AHCYL2: variants seen among roughly 807,000 people sequenced by gnomAD.
AHCYL2 encodes S-adenosylhomocysteine hydrolase-like protein 2.
AHCYL2 carries 28 observed loss-of-function variants against 81.4 expected under a neutral mutation model. The ratio of observed to expected loss-of-function variants is 0.34; its 90% confidence interval spans 0.25 to 0.47. AHCYL2 has a LOEUF of 0.47. Ranked by LOEUF, AHCYL2 falls within the 20% of genes least tolerant of loss-of-function variation. The probability of loss-of-function intolerance (pLI) is 1.00; values close to 1 mark genes in which losing one functional copy is unlikely to be tolerated. For missense variants in AHCYL2, 551 were observed against 785.1 expected, an observed-to-expected ratio of 0.70 and a Z score of 3.56; for synonymous variants, 272 against 290.2, an observed-to-expected ratio of 0.94 and a Z score of 0.64.
intron 1 of AHCYL2, among the ~76,000 whole-genome samples, chr7:129,249,375 C>T (rs1795170094): frequency 6.6e-6 from 1 of 152,058 alleles, no homozygotes; most frequent in Non-Finnish European, 1.5e-5. Context: ...TATCTATACC[C>T]AAAACTTTTT....
intron 1 of AHCYL2, among the ~76,000 whole-genome samples, chr7:129,284,818 C>A (rs894716667): frequency 6.6e-6 from 1 of 151,854 alleles, no homozygotes; most frequent in African/African-American, 2.4e-5. Flanking sequence ...TTTTTTCAAA[C>A]TAGAAAAATG....
chr7:129,358,102 A>G (rs1189055930), intron 1 of AHCYL2, among the ~76,000 whole-genome samples: 1 of 151,878 alleles, frequency 6.6e-6, no homozygotes, highest in Non-Finnish European at 1.5e-5. Flanking sequence ...ATTCAGCTTT[A>G]AAAAAGAAAG....
Position 129,368,435 on chromosome 7 carries a change from C to CA in AHCYL2, c.364-11202dup. The CA allele has an allele frequency of 1.2e-6, 2 of 1,613,520 alleles. No homozygotes were observed. The highest frequency in any genetic ancestry group is 1.1e-5 in the South Asian group (1 of 91,006). On this transcript the variant is annotated intron_variant, in intron 1 of 16. Transcript: ENST00000325006. This position sits in a 1 kb window ranked among gnomAD's most constrained non-coding sequence, Gnocchi z 4.4. ...CTGCTTTGGGGCACTCAGATAACCC[C>CA]AGTATTTCCAAACCAGCTTTCCCTT...
chr7:129,316,932 A>G (rs997256059), intron 1 of AHCYL2, among the ~76,000 whole-genome samples: 1 of 152,232 alleles, frequency 6.6e-6, no homozygotes, highest in Non-Finnish European at 1.5e-5. Flanking sequence ...ATGGGGATGA[A>G]GAAGCCTTGA....
At chr7:129,421,867 T>C (rs1158031416) in intron 12 of AHCYL2, among the ~76,000 whole-genome samples, 3 of 152,260 alleles carry the variant, frequency 2.0e-5, no homozygotes, top group Non-Finnish European at 4.4e-5. Context: ...CACAGTCTTA[T>C]CTATATTCAT....
At chr7:129,260,820 G>A (rs953535308) in intron 1 of AHCYL2, among the ~76,000 whole-genome samples, 1 of 151,332 alleles carries the variant, frequency 6.6e-6, no homozygotes, top group African/African-American at 2.4e-5. Context: ...ACGGAGTCTT[G>A]CCCTGTCACC....
At chr7:129,244,014 G>T (rs1025081780) in intron 1 of AHCYL2, among the ~76,000 whole-genome samples, 1 of 150,504 alleles carries the variant, frequency 6.6e-6, no homozygotes, top group East Asian at 2.0e-4. Flanking sequence ...TTTTTTTGGT[G>T]GGGGGACAGT....
At chr7:129,349,363 G>A (rs554826993) in intron 1 of AHCYL2, among the ~76,000 whole-genome samples, 15 of 151,398 alleles carry the variant, frequency 9.9e-5, no homozygotes, top group Non-Finnish European at 2.1e-4. Context: ...GCCGGGCATG[G>A]TGGCTTATGT....
intron 1 of AHCYL2, among the ~76,000 whole-genome samples, chr7:129,360,085 CCCTGAGCTAGCTAG>C (rs1563211400): frequency 6.6e-6 from 1 of 151,520 alleles, no homozygotes; most frequent in Non-Finnish European, 1.5e-5. Flanking sequence ...TTAGGCTTTG[CCCTGAGCTAGCTAG>C]CTATTTTTTT....
chr7:129,286,789 CAA>C (rs960568136), intron 1 of AHCYL2, among the ~76,000 whole-genome samples: 1 of 152,012 alleles, frequency 6.6e-6, no homozygotes, highest in Non-Finnish European at 1.5e-5. Context: ...TTAAGGATCC[CAA>C]AGAGTTTTTG....
chr7:129,422,468 TTG>T (rs1562879933), intron 12 of AHCYL2, among the ~76,000 whole-genome samples: 1 of 152,234 alleles, frequency 6.6e-6, no homozygotes, highest in Non-Finnish European at 1.5e-5. Context: ...GCATGTTGCT[TTG>T]TAAGTATTTT....
chr7:129,424,783 T>C (rs1797281989), intron 13 of AHCYL2, 91 bp from the exon 14 acceptor site: 1 of 1,378,254 alleles, frequency 7.3e-7, no homozygotes, highest in East Asian at 2.3e-5. Context: ...AGGAAGTGTT[T>C]GGAAAATGGT....
intron 1 of AHCYL2, among the ~76,000 whole-genome samples, chr7:129,318,354 T>C (rs903292885): frequency 6.6e-6 from 1 of 152,236 alleles, no homozygotes; most frequent in African/African-American, 2.4e-5. Context: ...CTCATGCTCT[T>C]GAGTAGCTGG....
At chr7:129,394,410 C>CT (rs1158437886) in intron 4 of AHCYL2, among the ~76,000 whole-genome samples, 40 of 67,340 alleles carry the variant, frequency 5.9e-4, no homozygotes, top group African/African-American at 9.6e-4. Flanking sequence ...TTTAATCTGA[C>CT]TTTTTTTTTT....
At chr7:129,301,843 GT>G (rs1312836432) in intron 1 of AHCYL2, among the ~76,000 whole-genome samples, 1 of 151,420 alleles carries the variant, frequency 6.6e-6, no homozygotes, top group African/African-American at 2.4e-5. Context: ...TGACTATTCT[GT>G]CACTTTTGTA....
At position 129,409,492 on chromosome 7, in the gene AHCYL2, C is replaced by G. The variant is rs1796461363; in HGVS notation, c.1312C>G (p.Leu438Val). 1.2e-6 allele frequency: 2 copies of G among 1,613,766 alleles called. No individual in the cohort carries two copies. Among genetic ancestry groups the G allele is most frequent in the Admixed American group, 3.3e-5 (2 of 60,004 alleles). Residue 438 changes from leucine to valine, a missense_variant, in exon 11 of 17, where the codon CTG (leucine) becomes GTG (valine). By Grantham distance (32) the Leu-to-Val change is conservative (BLOSUM62 1). Around this residue, in one of 2 missense-constraint regions of AHCYL2, gnomAD observed 316 missense variants for 543.1 expected, o/e 0.58. Transcript: ENST00000325006. ...TTTCAACAGTATGGATGGATTTCGACTGGTGAAATTAAATGAGGTCATCCG... is the reference window on the plus strand; with the variant it reads ...TTTCAACAGTATGGATGGATTTCGAGTGGTGAAATTAAATGAGGTCATCCG... Reference protein sequence around the residue: ...ALQACMDGFRLVKLNEVIRQV... With the variant: ...ALQACMDGFRVVKLNEVIRQV...
At chr7:129,338,656 G>A (rs1793049984) in intron 1 of AHCYL2, among the ~76,000 whole-genome samples, 1 of 152,148 alleles carries the variant, frequency 6.6e-6, no homozygotes, top group Non-Finnish European at 1.5e-5. Flanking sequence ...TCTCTTTAAG[G>A]CCATTTGTAT....
At chr7:129,290,653 G>A (rs923571879) in intron 1 of AHCYL2, among the ~76,000 whole-genome samples, 2 of 152,120 alleles carry the variant, frequency 1.3e-5, no homozygotes, top group East Asian at 1.9e-4. Context: ...GAATGTGGCC[G>A]GGCGTGGTGG....
chr7:129,253,206 CA>C (rs1229704859), intron 1 of AHCYL2, among the ~76,000 whole-genome samples: 64 of 140,112 alleles, frequency 4.6e-4, no homozygotes, highest in Admixed American at 3.6e-4. Context: ...GACTCTGTTT[CA>C]AAAAAAAAAA....
Sources: allele counts gnomAD v4.1 joint callset (sites outside exome capture counted in the v4.1 genomes callset), GRCh38; gene constraint gnomAD v4.1.1; regional missense constraint gnomAD v4.1.1; non-coding constraint Gnocchi (gnomAD v3.1); transcripts MANE v1.5; gene names NCBI Gene and HGNC (gene_info 2026-07-23, HGNC 2026-07-21).